TENM4: variants seen among roughly 807,000 people sequenced by gnomAD.
TENM4 encodes teneurin-4.
In TENM4, 82 loss-of-function variants were observed where a neutral mutation model predicts 243.3. The observed-to-expected ratio is 0.34, with a 90% CI of 0.28 to 0.40. TENM4 has a LOEUF of 0.40. Ranked by LOEUF, TENM4 falls within the 10% of genes least tolerant of loss-of-function variation. The pLI, the probability that TENM4 is intolerant of heterozygous loss-of-function variation, is 1.00. For synonymous variants in TENM4, 1,412 were observed against 1,456.3 expected, an observed-to-expected ratio of 0.97 and a Z score of 0.69; for missense variants, 3,138 against 3,673.3, an observed-to-expected ratio of 0.85 and a Z score of 3.77.
intron 6 of TENM4, among the ~76,000 whole-genome samples, chr11:79,018,461 C>T (rs1198433370): frequency 6.6e-6 from 1 of 152,138 alleles, no homozygotes; most frequent in African/African-American, 2.4e-5. Context: ...TGCACACACA[C>T]ACACACATCC....
Position 78,669,360 on chromosome 11 carries a change from G to A in TENM4, c.6985C>T (p.His2329Tyr). ...AGGGAGGTGATCTCAGAGCTGGAGT[G>A]GTTGTACAGGTGGGTGACCTTGGTG... Reference protein sequence around the residue: ...NPTKVTHLYNHSSSEITSLYY... With the variant: ...NPTKVTHLYNYSSSEITSLYY... The change falls in exon 32 of 34, where the codon CAC becomes TAC. Residue 2329 changes from histidine to tyrosine, a missense_variant. By Grantham distance (83) the His-to-Tyr change is moderately conservative. This residue lies in a region of TENM4 where 2,467 missense variants were observed against 3,059.1 expected (regional missense o/e 0.81). Coordinates refer to ENST00000278550, the MANE Select transcript of TENM4 (RefSeq NM_001098816.3). This position sits in a 1 kb window ranked among gnomAD's most constrained non-coding sequence, Gnocchi z 6.4. 6.2e-7 allele frequency: 1 copy of A among 1,613,790 alleles called. No homozygotes were observed. Among genetic ancestry groups the A allele is most frequent in the Non-Finnish European group, 8.5e-7 (1 of 1,179,772 alleles).
At chr11:79,300,071 C>T (rs1269537478) in intron 1 of TENM4, among the ~76,000 whole-genome samples, 1 of 152,194 alleles carries the variant, frequency 6.6e-6, no homozygotes, top group Non-Finnish European at 1.5e-5. Context: ...AGAATTAGTA[C>T]CCCCTCCTCT....
intron 2 of TENM4, among the ~76,000 whole-genome samples, chr11:79,245,133 G>A (rs184179479): frequency 8.4e-4 from 128 of 152,326 alleles, no homozygotes; most frequent in African/African-American, 2.9e-3. Context: ...CTTCTGAGCT[G>A]ACTGAATGCA....
intron 1 of TENM4, among the ~76,000 whole-genome samples, chr11:79,320,862 G>T (rs1284246315): frequency 1.3e-5 from 2 of 152,162 alleles, no homozygotes; most frequent in African/African-American, 4.8e-5. Context: ...GGAAATTGAG[G>T]CTCAGAGAGG....
At chr11:78,957,697 G>A (rs767932123) in intron 6 of TENM4, among the ~76,000 whole-genome samples, 9 of 152,192 alleles carry the variant, frequency 5.9e-5, no homozygotes, top group Non-Finnish European at 1.2e-4. Context: ...AAGGCAGTAA[G>A]GACCCAGTGC....
At chr11:79,333,552 T>G (rs1245527911) in intron 1 of TENM4, among the ~76,000 whole-genome samples, 1 of 152,190 alleles carries the variant, frequency 6.6e-6, no homozygotes, top group Admixed American at 6.5e-5. Context: ...TAGGGCTCTC[T>G]CCTTTTACTG....
At chr11:78,898,350 T>C (rs1855843895) in intron 7 of TENM4, among the ~76,000 whole-genome samples, 1 of 152,212 alleles carries the variant, frequency 6.6e-6, no homozygotes, top group Non-Finnish European at 1.5e-5. Flanking sequence ...TACCAGCTGT[T>C]ATAGTATTTA....
intron 3 of TENM4, among the ~76,000 whole-genome samples, chr11:79,155,854 C>T (rs1335167399): frequency 6.6e-6 from 1 of 151,776 alleles, no homozygotes; most frequent in African/African-American, 2.4e-5. Context: ...AGATGTGTAT[C>T]TGGGTCATGT....
intron 3 of TENM4, among the ~76,000 whole-genome samples, chr11:79,213,868 A>AG (rs1863997673): frequency 6.6e-6 from 1 of 152,234 alleles, no homozygotes; most frequent in Non-Finnish European, 1.5e-5. Context: ...ACCTTAAAAA[A>AG]TGGGGTCATA....
At chr11:78,956,891 C>T (rs671290) in intron 6 of TENM4, among the ~76,000 whole-genome samples, 67,290 of 151,962 alleles carry the variant, frequency 0.44, 15,131 homozygotes, top group Middle Eastern at 0.48. Context: ...ACAAAATATG[C>T]ACTCCATTTT....
At chr11:79,147,405 T>G (rs1007272640) in intron 4 of TENM4, among the ~76,000 whole-genome samples, 3 of 152,028 alleles carry the variant, frequency 2.0e-5, no homozygotes, top group Non-Finnish European at 2.9e-5. Flanking sequence ...TCGGACCCAC[T>G]CTAAAATTTC....
At chr11:78,718,880 C>G (rs1204130601) in intron 25 of TENM4, among the ~76,000 whole-genome samples, 1 of 152,174 alleles carries the variant, frequency 6.6e-6, no homozygotes, top group Non-Finnish European at 1.5e-5. Context: ...TAAATAATCA[C>G]ATATATGTTT....
At chr11:79,323,824 C>T (rs1856930495) in intron 1 of TENM4, among the ~76,000 whole-genome samples, 1 of 152,084 alleles carries the variant, frequency 6.6e-6, no homozygotes, top group Admixed American at 6.5e-5. Flanking sequence ...CTTGCCAGTT[C>T]CTACAATCGT....
At chr11:79,147,993 CT>C (rs1477774188) in intron 4 of TENM4, among the ~76,000 whole-genome samples, 1 of 152,060 alleles carries the variant, frequency 6.6e-6, no homozygotes, top group Non-Finnish European at 1.5e-5. Context: ...TCCTACCTTC[CT>C]TGTTTTCACC....
intron 3 of TENM4, among the ~76,000 whole-genome samples, chr11:79,190,785 GTCTCCC>G (rs1235191049): frequency 2.8e-3 from 261 of 94,086 alleles, no homozygotes; most frequent in African/African-American, 3.5e-3. Flanking sequence ...TCCCTCTCCC[GTCTCCC>G]TCTCCCTCTC....
At chr11:78,926,760 G>A (rs1856561818) in intron 6 of TENM4, among the ~76,000 whole-genome samples, 1 of 150,708 alleles carries the variant, frequency 6.6e-6, no homozygotes, top group Non-Finnish European at 1.5e-5. Flanking sequence ...AAAGGACACA[G>A]TAAACAGAGC....
rs994745355 is a variant in TENM4 at position 79,371,047 on chromosome 11, C to T, written c.-321+69462G>A. 7.9e-5 allele frequency among the ~76,000 whole-genome samples: 12 copies of T among 152,252 alleles called. 1 individual carries two copies. The highest frequency in any genetic ancestry group is 3.9e-4 in the Admixed American group (6 of 15,292). ...AAAAGCCAACAAATGTATGTAAATA[C>T]TCAAACTTATGTAGTGTCAAAGAAA... On this transcript the variant is annotated intron_variant, in intron 1 of 33. Transcript: ENST00000278550.
intron 28 of TENM4, among the ~76,000 whole-genome samples, chr11:78,699,917 C>T (rs1159844288): frequency 6.6e-6 from 1 of 152,160 alleles, no homozygotes; most frequent in Non-Finnish European, 1.5e-5. Context: ...TTCCATCGGG[C>T]AATGGGCAAA....
intron 4 of TENM4, among the ~76,000 whole-genome samples, chr11:79,148,363 A>T (rs1412433880): frequency 6.6e-6 from 1 of 152,074 alleles, no homozygotes; most frequent in East Asian, 1.9e-4. Flanking sequence ...GTGGGGAGAT[A>T]CCAACCTCCA....
Sources: allele counts gnomAD v4.1 joint callset (sites outside exome capture counted in the v4.1 genomes callset), GRCh38; gene constraint gnomAD v4.1.1; regional missense constraint gnomAD v4.1.1; non-coding constraint Gnocchi (gnomAD v3.1); transcripts MANE v1.5; gene names NCBI Gene and HGNC (gene_info 2026-07-23, HGNC 2026-07-21).